Variants in TSHZ2 observed in about 807,000 individuals in gnomAD.
TSHZ2 encodes teashirt homolog 2.
TSHZ2 carries 21 observed loss-of-function variants against 74.4 expected under a neutral mutation model. That is an observed-to-expected ratio of 0.28 (90% CI 0.20 to 0.41). The LOEUF (loss-of-function observed/expected upper bound fraction) is 0.41, where lower values mean the gene tolerates loss of function less well. Ranked by LOEUF, TSHZ2 falls within the 10% of genes least tolerant of loss-of-function variation. The pLI is 1.00. For synonymous variants in TSHZ2, 540 were observed against 515.3 expected (o/e 1.05, Z -0.65); for missense variants, 1,244 against 1,293.5 (o/e 0.96, Z 0.59).
intron 1 of TSHZ2, among the ~76,000 whole-genome samples, chr20:53,022,720 G>T (rs1429692790): frequency 6.6e-6 from 1 of 152,178 alleles, no homozygotes; most frequent in African/African-American, 2.4e-5. Flanking sequence ...GTGTAATCGT[G>T]TCTCTAATTG....
intron 1 of TSHZ2, among the ~76,000 whole-genome samples, chr20:53,142,409 T>A (rs528184535): frequency 6.6e-6 from 1 of 152,324 alleles, no homozygotes; most frequent in East Asian, 1.9e-4. Context: ...TTAAGTCTCA[T>A]TGGTCCCACC....
intron 1 of TSHZ2, among the ~76,000 whole-genome samples, chr20:52,994,452 G>A (rs983354245): frequency 9.2e-5 from 14 of 151,560 alleles, no homozygotes; most frequent in Non-Finnish European, 1.8e-4. Flanking sequence ...ATGAATGGAC[G>A]GATGGATGGA....
At chr20:53,067,760 T>C (rs184495391) in intron 1 of TSHZ2, among the ~76,000 whole-genome samples, 92 of 152,376 alleles carry the variant, frequency 6.0e-4, no homozygotes, top group Middle Eastern at 3.4e-3. Flanking sequence ...CTGGCAGTTC[T>C]GCTGTGGTTC....
At chr20:53,099,442 T>C (rs1986151031) in intron 1 of TSHZ2, among the ~76,000 whole-genome samples, 1 of 135,736 alleles carries the variant, frequency 7.4e-6, no homozygotes, top group Non-Finnish European at 1.6e-5. Flanking sequence ...ATAAAAATGG[T>C]CCCTCTCTGA....
At chr20:52,993,987 C>T (rs552516149) in intron 1 of TSHZ2, among the ~76,000 whole-genome samples, 1 of 152,250 alleles carries the variant, frequency 6.6e-6, no homozygotes, top group African/African-American at 2.4e-5. Context: ...GGGTACAAAT[C>T]TCATTCCAAG....
At chr20:53,344,135 CTCT>C (rs1481411393) in intron 2 of TSHZ2, among the ~76,000 whole-genome samples, 1 of 152,150 alleles carries the variant, frequency 6.6e-6, no homozygotes, top group Non-Finnish European at 1.5e-5. Context: ...CAGAATAGGA[CTCT>C]AGGCTGCCTC....
chr20:53,114,035 A>G (rs1255019419), intron 1 of TSHZ2, among the ~76,000 whole-genome samples: 3 of 151,426 alleles, frequency 2.0e-5, no homozygotes, highest in Admixed American at 1.3e-4. Flanking sequence ...TCGTGGCTGC[A>G]GTGAGCTGTG....
chr20:53,329,870 G>A (rs542582219), intron 2 of TSHZ2, among the ~76,000 whole-genome samples: 1 of 152,242 alleles, frequency 6.6e-6, no homozygotes, highest in East Asian at 1.9e-4. Flanking sequence ...ATGTTAATTT[G>A]TATCACTAAC....
intron 2 of TSHZ2, chr20:53,398,792 T>A (rs1319658830): frequency 6.6e-6 from 1 of 152,188 alleles, no homozygotes; most frequent in Non-Finnish European, 1.5e-5. Context: ...ATAATTTAGA[T>A]CCTGCTCAAA....
chr20:53,290,540 G>A (rs1051956508), intron 2 of TSHZ2, among the ~76,000 whole-genome samples: 6 of 152,052 alleles, frequency 3.9e-5, no homozygotes, highest in Non-Finnish European at 8.8e-5. Flanking sequence ...GGGAATAAAA[G>A]TATCATTCTA....
rs10574252 is a variant in TSHZ2, at chr20:53,227,463, AACACACACACAC to A, written c.41-26010_41-25999del. On this transcript the variant is annotated intron_variant, in intron 1 of 2. Transcript: ENST00000371497. The stretch of plus-strand genomic sequence containing the variant: ...TATTGCCTTAGTAAGTGGGGAGGAA[AACACACACACAC>A]ACACACACACACACACACACACACA... Among the ~76,000 whole-genome samples, 30 of 146,668 alleles carry A rather than the reference AACACACACACAC, an allele frequency of 2.0e-4. No individual in the cohort carries two copies. The South Asian group carries it at 2.2e-3, about 11-fold the overall frequency.
At chr20:52,980,095 A>C (rs1981505347) in intron 1 of TSHZ2, among the ~76,000 whole-genome samples, 1 of 152,184 alleles carries the variant, frequency 6.6e-6, no homozygotes, top group Non-Finnish European at 1.5e-5. Flanking sequence ...ATTACACAAC[A>C]CTTTTTAAAA....
chr20:53,472,386 C>T (rs1354794760), intron 2 of TSHZ2, among the ~76,000 whole-genome samples: 1 of 152,102 alleles, frequency 6.6e-6, no homozygotes, highest in Non-Finnish European at 1.5e-5. Context: ...TCAAAGACGA[C>T]CGAACTTTCT....
intron 2 of TSHZ2, among the ~76,000 whole-genome samples, chr20:53,301,196 G>T (rs1991471161): frequency 6.6e-6 from 1 of 151,978 alleles, no homozygotes; most frequent in Admixed American, 6.6e-5. Flanking sequence ...GACCTCAAGT[G>T]ATCCTCCCAC....
chr20:53,297,120 T>G (rs1991394079), intron 2 of TSHZ2, among the ~76,000 whole-genome samples: 1 of 152,234 alleles, frequency 6.6e-6, no homozygotes, highest in Non-Finnish European at 1.5e-5. Context: ...TCTTGTAATC[T>G]CTAACTGCAA....
intron 1 of TSHZ2, among the ~76,000 whole-genome samples, chr20:53,142,779 G>C (rs1270956504): frequency 6.6e-6 from 1 of 150,836 alleles, no homozygotes; most frequent in Non-Finnish European, 1.5e-5. Flanking sequence ...AGGCCATTGA[G>C]AGGTCCTCTA....
intron 1 of TSHZ2, among the ~76,000 whole-genome samples, chr20:53,152,146 C>T (rs1437798044): frequency 6.6e-6 from 1 of 152,148 alleles, no homozygotes; most frequent in Non-Finnish European, 1.5e-5. Context: ...AGTTAGGATG[C>T]ATCCTCCATT....
intron 1 of TSHZ2, among the ~76,000 whole-genome samples, chr20:53,157,969 A>G (rs1987836091): frequency 6.6e-6 from 1 of 152,214 alleles, no homozygotes; most frequent in African/African-American, 2.4e-5. Flanking sequence ...GAACACTGTC[A>G]TACAGAGAGA....
intron 1 of TSHZ2, among the ~76,000 whole-genome samples, chr20:53,215,292 G>A (rs1463680005): frequency 6.6e-6 from 1 of 151,948 alleles, no homozygotes; most frequent in Admixed American, 6.6e-5. Flanking sequence ...AGTATATTGC[G>A]GTGGTTTTTA....
Sources: allele counts gnomAD v4.1 joint callset (sites outside exome capture counted in the v4.1 genomes callset), GRCh38; gene constraint gnomAD v4.1.1; transcripts MANE v1.5; gene names NCBI Gene and HGNC (gene_info 2026-07-23, HGNC 2026-07-21).